Variants in MRTFA observed in about 807,000 individuals in gnomAD.
MRTFA encodes myocardin-related transcription factor A.
Under a neutral mutation model 83.5 loss-of-function variants are expected in MRTFA, and 20 were observed. That is an observed-to-expected ratio of 0.24 (90% confidence interval 0.17 to 0.35). The LOEUF is 0.35. Among genes scored for constraint, MRTFA ranks in the 10% least tolerant of loss-of-function variants. MRTFA has a pLI of 1.00. For missense variants in MRTFA, 1,200 were observed against 1,224.7 expected (o/e 0.98, Z 0.30); for synonymous variants, 659 against 541.2 (o/e 1.22, Z -3.02).
At chr22:40,565,239 G>A (rs896408402) in intron 2 of MRTFA, among the ~76,000 whole-genome samples, 6 of 152,100 alleles carry the variant, frequency 3.9e-5, no homozygotes, top group African/African-American at 1.4e-4. Flanking sequence ...TCAGTCTTAT[G>A]GAACTCATGA....
intron 2 of MRTFA, among the ~76,000 whole-genome samples, chr22:40,555,787 C>T (rs946032599): frequency 3.3e-5 from 5 of 151,852 alleles, no homozygotes; most frequent in Non-Finnish European, 7.4e-5. Flanking sequence ...CAGGCGCCCA[C>T]CACCATGCCT....
At chr22:40,598,993 C>T (rs1306058866) in intron 1 of MRTFA, among the ~76,000 whole-genome samples, 4 of 133,782 alleles carry the variant, frequency 3.0e-5, no homozygotes, top group Non-Finnish European at 4.8e-5. Flanking sequence ...AGGGAAACTC[C>T]ATCTAAAAAA....
At chr22:40,438,652 T>TA (rs2053216503) in intron 4 of MRTFA, among the ~76,000 whole-genome samples, 1 of 152,224 alleles carries the variant, frequency 6.6e-6, no homozygotes. Flanking sequence ...CCAAAAATGT[T>TA]ACAGTATTTT....
chr22:40,429,432 T>A, intron 7 of MRTFA, 174 bp downstream of exon 7: 1 of 753,450 alleles, frequency 1.3e-6, no homozygotes, highest in Non-Finnish European at 2.4e-6. Flanking sequence ...TATCCCAAGT[T>A]CATACAACCT....
intron 4 of MRTFA, among the ~76,000 whole-genome samples, chr22:40,451,961 GTTTTTTTTTTTTGGTTTTT>G (rs1465055429): frequency 8.9e-6 from 1 of 112,662 alleles, no homozygotes; most frequent in Admixed American, 1.1e-4. Context: ...CCTGGCTGAA[GTTTTTTTTTTTTGGTTTTT>G]TTTTTTTTTT....
chr22:40,497,663 G>C (rs1350083659), intron 3 of MRTFA, among the ~76,000 whole-genome samples: 1 of 151,998 alleles, frequency 6.6e-6, no homozygotes, highest in East Asian at 1.9e-4. Flanking sequence ...TGAGTCAGGA[G>C]AATCGCTTGA....
Position 40,544,365 on chromosome 22 carries a change from G to A in MRTFA, c.241+7741C>T, listed in dbSNP as rs201993308. 1.6e-4 allele frequency among the ~76,000 whole-genome samples: 25 copies of A among 152,234 alleles called. 1 individual carries two copies. The East Asian group carries it at 4.6e-3, about 28-fold the overall frequency. On this transcript the variant is annotated intron_variant, in intron 3 of 14. Transcript: ENST00000355630. ...TCCTTCTGCCTCAGCCTCCTGAGTA[G>A]GTGGGACTACAGGCATGAGCCACCA...
At chr22:40,548,076 C>CACAGTGGCTCATGCCTG (rs1260155071) in intron 3 of MRTFA, among the ~76,000 whole-genome samples, 4 of 152,088 alleles carry the variant, frequency 2.6e-5, no homozygotes, top group Middle Eastern at 3.4e-3. Flanking sequence ...GGCAACAGGG[C>CACAGTGGCTCATGCCTG]ACAGTGGCTC....
At chr22:40,625,512 C>T (rs1306264159) in intron 1 of MRTFA, among the ~76,000 whole-genome samples, 1 of 151,984 alleles carries the variant, frequency 6.6e-6, no homozygotes, top group African/African-American at 2.4e-5. Flanking sequence ...GGCAGGGTGG[C>T]TCACGCCTGT....
chr22:40,431,301 C>T, intron 6 of MRTFA, 104 bp downstream of exon 6: 2 of 1,129,548 alleles, frequency 1.8e-6, no homozygotes, highest in East Asian at 4.8e-5. Context: ...CCACTGCCAA[C>T]AGAAATGGGA....
intron 2 of MRTFA, among the ~76,000 whole-genome samples, chr22:40,555,586 T>TTATA (rs145891906): frequency 6.8e-4 from 102 of 149,020 alleles, no homozygotes; most frequent in East Asian, 3.5e-3. Context: ...AAAAAAAATT[T>TTATA]TATATATATA....
intron 3 of MRTFA, among the ~76,000 whole-genome samples, chr22:40,493,319 G>A (rs1307423269): frequency 6.6e-6 from 1 of 152,204 alleles, no homozygotes; most frequent in Non-Finnish European, 1.5e-5. Flanking sequence ...TGAAAGCTAA[G>A]CGAGGCATGC....
At chr22:40,594,859 C>G (rs959300715) in intron 1 of MRTFA, 124 bp from the exon 2 acceptor site, 1 of 128,994 alleles carries the variant, frequency 7.8e-6, no homozygotes, top group East Asian at 2.4e-4. Flanking sequence ...TCCATGCACA[C>G]AACAGTGTTA....
chr22:40,568,560 T>C (rs921684470), intron 2 of MRTFA, among the ~76,000 whole-genome samples: 1 of 152,244 alleles, frequency 6.6e-6, no homozygotes, highest in Non-Finnish European at 1.5e-5. Flanking sequence ...CTGAGAATTT[T>C]TGATCAAATA....
chr22:40,505,734 G>A (rs769478568), intron 3 of MRTFA, among the ~76,000 whole-genome samples: 10 of 152,144 alleles, frequency 6.6e-5, no homozygotes, highest in South Asian at 2.1e-4. Context: ...AGGACACAGC[G>A]TTCTTCTTCC....
intron 5 of MRTFA, among the ~76,000 whole-genome samples, chr22:40,435,058 C>T (rs1327704313): frequency 6.6e-6 from 1 of 152,170 alleles, no homozygotes; most frequent in Non-Finnish European, 1.5e-5. Flanking sequence ...AGGTTTCCTG[C>T]CCCTTGGAAT....
chr22:40,569,048 C>A (rs911301684), intron 2 of MRTFA, among the ~76,000 whole-genome samples: 3 of 152,040 alleles, frequency 2.0e-5, no homozygotes, highest in African/African-American at 4.8e-5. Flanking sequence ...AAAAATAATA[C>A]AATAGGAAGA....
intron 1 of MRTFA, among the ~76,000 whole-genome samples, chr22:40,595,863 C>CTTTTT (rs35215701): frequency 6.4e-5 from 5 of 78,112 alleles, no homozygotes; most frequent in Non-Finnish European, 9.4e-5. Flanking sequence ...TATCTAAAGT[C>CTTTTT]TTTTTTTTTT....
chr22:40,501,742 A>C (rs1336122546), intron 3 of MRTFA, among the ~76,000 whole-genome samples: 1 of 50,428 alleles, frequency 2.0e-5, no homozygotes, highest in Non-Finnish European at 3.9e-5. Context: ...CTCACTTCCC[A>C]GTAGGGGCGG....
Sources: allele counts gnomAD v4.1 joint callset (sites outside exome capture counted in the v4.1 genomes callset), GRCh38; gene constraint gnomAD v4.1.1; transcripts MANE v1.5; gene names NCBI Gene and HGNC (gene_info 2026-07-23, HGNC 2026-07-21).